The following TRERF1 variants were observed in gnomAD, a reference collection of about 807,000 sequenced individuals.
TRERF1 encodes the protein transcriptional regulating factor 1.
Under a neutral mutation model 122.9 loss-of-function variants are expected in TRERF1, and 27 were observed. That is an observed-to-expected ratio of 0.22 (90% CI 0.16 to 0.30). The LOEUF (loss-of-function observed/expected upper bound fraction) is 0.30. TRERF1 is among the 10% of genes least tolerant of loss of function. The pLI is 1.00. For missense variants in TRERF1, 1,248 were observed against 1,560.3 expected (o/e 0.80, Z 3.37); for synonymous variants, 636 against 641.7 (o/e 0.99, Z 0.13).
chr6:42,268,284 G>T lies in TRERF1; in HGVS notation c.1307C>A (p.Pro436Gln). 6.6e-7 allele frequency: 1 copy of T among 1,511,932 alleles called. No individual in the cohort carries two copies. 93.7% of individuals were successfully genotyped at this position (1,511,932 alleles called of 1,614,324 possible). A position where few individuals can be genotyped will look rare whatever the true frequency, so the allele number is the denominator to read the frequency against. ...GACCCGGGTCAGATCTGAGCTCGCT[G>T]GGTCTCCCATTCCTGTGTCAGGAGG... Residue 436 changes from proline (P) to glutamine (Q), a missense_variant, in exon 5 of 18, where the codon CCA (proline) becomes CAA (glutamine). Coordinates refer to ENST00000372922, the Ensembl canonical transcript of TRERF1. This position sits in a 1 kb window ranked among gnomAD's most constrained non-coding sequence, Gnocchi z 4.4.
intron 2 of TRERF1, among the ~76,000 whole-genome samples, chr6:42,429,577 TA>T (rs965467278): frequency 6.6e-6 from 1 of 151,776 alleles, no homozygotes; most frequent in Admixed American, 6.6e-5. Flanking sequence ...AAATCTTAAT[TA>T]AAAAAAATTC....
intron 3 of TRERF1, among the ~76,000 whole-genome samples, chr6:42,322,639 T>C (rs1020910148): frequency 6.6e-6 from 1 of 152,090 alleles, no homozygotes; most frequent in South Asian, 2.1e-4. Context: ...TATAGAGGTG[T>C]GGGGAGGATT....
At position 42,276,219 on chromosome 6, in the gene TRERF1, A is replaced by T. The variant is rs1781113787; in HGVS notation, c.-258-6371T>A. ...TGTCCTAAGGGCCACCCTTTGAACC[A>T]GAGACACAGACAGAGAGATACACCA... On this transcript the variant is annotated intron_variant, in intron 4 of 17. Transcript: ENST00000372922. This position sits in a 1 kb window ranked among gnomAD's most constrained non-coding sequence, Gnocchi z 4.3. Among the ~76,000 whole-genome samples, 1 of 152,244 alleles carries T rather than the reference A, an allele frequency of 6.6e-6. No individual in the cohort carries two copies. The highest frequency in any genetic ancestry group is 2.1e-4 in the South Asian group (1 of 4,832).
chr6:42,337,178 G>A (rs1374445701), intron 3 of TRERF1, among the ~76,000 whole-genome samples: 1 of 152,200 alleles, frequency 6.6e-6, no homozygotes, highest in Non-Finnish European at 1.5e-5. Context: ...CCAGCAGGGA[G>A]GCAGCTGGTC....
chr6:42,258,893 C>T lies in TRERF1; in HGVS notation c.2269+446G>A, dbSNP rs140273767. ...GGGATTACAGGTGCGTGCCACCATG[C>T]CCGGCTAATTTTTGTATTTTTAGTA... On this transcript the variant is annotated intron_variant, in intron 9 of 17. Coordinates refer to ENST00000372922, the Ensembl canonical transcript of TRERF1. Among the ~76,000 whole-genome samples, 1,129 of 152,302 alleles carry T rather than the reference C, an allele frequency of 7.4e-3. 11 individuals carry two copies. Among genetic ancestry groups the T allele is most frequent in the African/African-American group, 0.024 (1,014 of 41,564 alleles).
chr6:42,438,628 G>T (rs113727210), intron 2 of TRERF1, among the ~76,000 whole-genome samples: 1 of 52,730 alleles, frequency 1.9e-5, no homozygotes, highest in Non-Finnish European at 1.0e-4. Flanking sequence ...AAAAGAAAAA[G>T]GAAAAAAGAA....
rs1048667238 is a variant in TRERF1 at position 42,276,588 on chromosome 6, T to A, written c.-258-6740A>T. Among the ~76,000 whole-genome samples, 2 of 152,232 alleles carry A rather than the reference T, an allele frequency of 1.3e-5. No individual in the cohort carries two copies. The highest frequency in any genetic ancestry group is 4.8e-5 in the African/African-American group (2 of 41,464). On this transcript the variant is annotated intron_variant, in intron 4 of 17. Transcript: ENST00000372922. This position sits in a 1 kb window ranked among gnomAD's most constrained non-coding sequence, Gnocchi z 4.3. Reference sequence around the variant, plus strand: ...TGGGCCGCAGTTCGCCGTCTTCTTTTTAGCACCGTTGTTGTTCTAAATGCT... The same window carrying A: ...TGGGCCGCAGTTCGCCGTCTTCTTTATAGCACCGTTGTTGTTCTAAATGCT...
At chr6:42,390,081 G>A (rs1023950678) in intron 2 of TRERF1, among the ~76,000 whole-genome samples, 2 of 152,164 alleles carry the variant, frequency 1.3e-5, no homozygotes, top group African/African-American at 2.4e-5. Context: ...CAAGTCATCA[G>A]GTGGAAATGA....
intron 3 of TRERF1, among the ~76,000 whole-genome samples, chr6:42,304,798 G>A (rs544609471): frequency 1.1e-4 from 17 of 152,278 alleles, no homozygotes; most frequent in African/African-American, 3.1e-4. Flanking sequence ...CCATTCTACC[G>A]TGTACAGAAA....
At position 42,295,026 on chromosome 6, in the gene TRERF1, G is replaced by C. The variant is rs1358404587; in HGVS notation, c.-259+5612C>G. ...AGGTTTGCTGGTGGGAACAAGGGGT[G>C]GGGTGGGGCTGGGCATTTAACTCCA... On this transcript the variant is annotated intron_variant, in intron 4 of 17. Coordinates refer to ENST00000372922, the Ensembl canonical transcript of TRERF1. Among the ~76,000 whole-genome samples the C allele has an allele frequency of 2.0e-5, 3 of 152,242 alleles. No individual in the cohort carries two copies. The South Asian group carries it at 6.2e-4, about 32-fold the overall frequency.
intron 2 of TRERF1, among the ~76,000 whole-genome samples, chr6:42,367,178 T>G (rs1436946716): frequency 6.6e-6 from 1 of 152,138 alleles, no homozygotes; most frequent in Non-Finnish European, 1.5e-5. Flanking sequence ...AGGCCTGGCC[T>G]TACATAAGGG....
At chr6:42,314,793 G>C (rs1287384109) in intron 3 of TRERF1, among the ~76,000 whole-genome samples, 3 of 152,118 alleles carry the variant, frequency 2.0e-5, no homozygotes, top group African/African-American at 7.2e-5. Flanking sequence ...GGTACATGCC[G>C]GATGTGACTG....
chr6:42,300,374 G>T (rs1294363099), intron 4 of TRERF1, among the ~76,000 whole-genome samples: 1 of 152,078 alleles, frequency 6.6e-6, no homozygotes, highest in Non-Finnish European at 1.5e-5. Flanking sequence ...CCTGTCCAAG[G>T]TCCCAGATTC....
intron 2 of TRERF1, among the ~76,000 whole-genome samples, chr6:42,364,563 G>C (rs1772369175): frequency 6.6e-6 from 1 of 152,206 alleles, no homozygotes; most frequent in Non-Finnish European, 1.5e-5. Flanking sequence ...AGAGTTGCAA[G>C]AAGGAGGAAG....
chr6:42,366,808 C>A (rs1772822867), intron 2 of TRERF1, among the ~76,000 whole-genome samples: 1 of 152,166 alleles, frequency 6.6e-6, no homozygotes, highest in Non-Finnish European at 1.5e-5. Context: ...ATTCCCAGAG[C>A]CACAAGAGGG....
chr6:42,341,119 G>A (rs1041663378), intron 3 of TRERF1, among the ~76,000 whole-genome samples: 1 of 152,194 alleles, frequency 6.6e-6, no homozygotes, highest in Non-Finnish European at 1.5e-5. Context: ...CTTACCAGCG[G>A]AGCAAGGAGT....
intron 2 of TRERF1, among the ~76,000 whole-genome samples, chr6:42,387,734 T>A (rs1273443874): frequency 6.6e-6 from 1 of 152,230 alleles, no homozygotes; most frequent in African/African-American, 2.4e-5. Flanking sequence ...TTTCATATGT[T>A]CACATTCGGG....
chr6:42,393,397 C>G lies in TRERF1; in HGVS notation c.-453-30318G>C, dbSNP rs1778075790. 6.6e-6 allele frequency among the ~76,000 whole-genome samples: 1 copy of G among 152,214 alleles called. No individual in the cohort carries two copies. Among genetic ancestry groups the G allele is most frequent in the Non-Finnish European group, 1.5e-5 (1 of 68,040 alleles). On this transcript the variant is annotated intron_variant, in intron 2 of 17. Coordinates refer to ENST00000372922, the Ensembl canonical transcript of TRERF1. This position sits in a 1 kb window ranked among gnomAD's most constrained non-coding sequence, Gnocchi z 4.1. ...GGCAGCCAAGGCCTCTCATCATCCC[C>G]TCTGCCCCTGAGAAGGAGGGCTTCT... is the stretch of plus-strand genomic sequence containing the variant.
chr6:42,256,908 G>A (rs1241357438), intron 11 of TRERF1, 55 bp downstream of exon 11: 1 of 1,613,114 alleles, frequency 6.2e-7, no homozygotes, highest in Admixed American at 1.7e-5. Flanking sequence ...CAGAGCCAGT[G>A]ATCTCAGTGA....
Sources: allele counts gnomAD v4.1 joint callset (sites outside exome capture counted in the v4.1 genomes callset), GRCh38; gene constraint gnomAD v4.1.1; non-coding constraint Gnocchi (gnomAD v3.1); transcripts MANE v1.5; gene names NCBI Gene and HGNC (gene_info 2026-07-23, HGNC 2026-07-21).